Variants in GALNT13 observed in about 807,000 individuals in gnomAD.
The protein encoded by GALNT13 is polypeptide N-acetylgalactosaminyltransferase 13.
GALNT13 carries 28 observed loss-of-function variants against 64.2 expected under a neutral mutation model. The ratio of observed to expected loss-of-function variants is 0.44; its 90% CI spans 0.32 to 0.60. The LOEUF (loss-of-function observed/expected upper bound fraction) is 0.60, where lower values mean the gene tolerates loss of function less well. Among genes scored for constraint, GALNT13 ranks in the 20% least tolerant of loss-of-function variants. The probability of loss-of-function intolerance (pLI) is 0.05; values close to 1 mark genes in which losing one functional copy is unlikely to be tolerated. For synonymous variants in GALNT13, 214 were observed against 224.6 expected, an observed-to-expected ratio of 0.95 and a Z score of 0.42; for missense variants, 577 against 669.8, an observed-to-expected ratio of 0.86 and a Z score of 1.53.
At chr2:153,458,216 C>T in the GALNT13 span, among the ~76,000 whole-genome samples, 1 of 151,784 alleles carries the variant, frequency 6.6e-6, no homozygotes, top group African/African-American at 2.4e-5. Flanking sequence ...ACTCTCAAAT[C>T]CTTGCTTTAA....
At chr2:153,077,654 G>A in the GALNT13 span, among the ~76,000 whole-genome samples, 2 of 151,886 alleles carry the variant, frequency 1.3e-5, no homozygotes, top group Non-Finnish European at 2.9e-5. Context: ...AATGACCCAA[G>A]TTAAGTTTTG....
At chr2:153,700,088 A>C in the GALNT13 span, among the ~76,000 whole-genome samples, 1 of 152,192 alleles carries the variant, frequency 6.6e-6, no homozygotes, top group African/African-American at 2.4e-5. Flanking sequence ...CAACGCAAAA[A>C]TCCTCAATAA....
chr2:153,922,714 A>C (rs1689841661), intron 2 of GALNT13, among the ~76,000 whole-genome samples: 1 of 152,024 alleles, frequency 6.6e-6, no homozygotes. Flanking sequence ...TCGCACAGCT[A>C]ACTTCTGGTG....
At chr2:154,013,806 C>T (rs1398590970) in intron 3 of GALNT13, among the ~76,000 whole-genome samples, 1 of 152,104 alleles carries the variant, frequency 6.6e-6, no homozygotes, top group Non-Finnish European at 1.5e-5. Context: ...AGAGGGTTGG[C>T]GAGGTCGGTC....
chr2:153,537,408 T>C, the GALNT13 span, among the ~76,000 whole-genome samples: 2 of 152,154 alleles, frequency 1.3e-5, no homozygotes, highest in South Asian at 4.1e-4. Context: ...GGCTCCAAGA[T>C]GTTTATAAGT....
At chr2:153,800,423 A>G in the GALNT13 span, among the ~76,000 whole-genome samples, 1 of 152,096 alleles carries the variant, frequency 6.6e-6, no homozygotes, top group Non-Finnish European at 1.5e-5. Flanking sequence ...TGAAGCTTGG[A>G]GTGGCTGTGA....
chr2:153,858,584 T>TA, the GALNT13 span, among the ~76,000 whole-genome samples: 1 of 152,158 alleles, frequency 6.6e-6, no homozygotes, highest in East Asian at 1.9e-4. Context: ...TTATATAACT[T>TA]TTATTTCAGT....
the GALNT13 span, among the ~76,000 whole-genome samples, chr2:153,454,378 G>A: frequency 1.3e-5 from 2 of 152,058 alleles, no homozygotes; most frequent in South Asian, 2.1e-4. Flanking sequence ...CTCTGAGACC[G>A]TCCATTTTCA....
At chr2:154,420,542 C>A (rs920067199) in intron 11 of GALNT13, among the ~76,000 whole-genome samples, 3 of 152,060 alleles carry the variant, frequency 2.0e-5, no homozygotes, top group Admixed American at 1.3e-4. Context: ...GTTCAAGTAA[C>A]CTTCCGGCCA....
the GALNT13 span, among the ~76,000 whole-genome samples, chr2:153,225,973 G>T: frequency 6.7e-6 from 1 of 149,934 alleles, no homozygotes; most frequent in Non-Finnish European, 1.5e-5. Context: ...TCACTCTGTT[G>T]CCCCAGCTAG....
intron 9 of GALNT13, among the ~76,000 whole-genome samples, chr2:154,359,093 A>T (rs1183643500): frequency 6.6e-6 from 1 of 152,040 alleles, no homozygotes; most frequent in Non-Finnish European, 1.5e-5. Context: ...ACTACAAGGT[A>T]TTTCATTTAC....
chr2:153,421,220 A>C, the GALNT13 span: 1 of 183,912 alleles, frequency 5.4e-6, no homozygotes. Flanking sequence ...AGGATGCAGG[A>C]AGAGGGTACC....
chr2:153,854,026 C>T, the GALNT13 span, among the ~76,000 whole-genome samples: 1 of 151,422 alleles, frequency 6.6e-6, no homozygotes. Context: ...AGTTATATAC[C>T]TTAAATCTGT....
the GALNT13 span, among the ~76,000 whole-genome samples, chr2:153,544,845 T>G: frequency 4.6e-5 from 7 of 152,212 alleles, no homozygotes; most frequent in Non-Finnish European, 7.3e-5. Flanking sequence ...AATGGAATCT[T>G]AAGTTAACAA....
intron 9 of GALNT13, among the ~76,000 whole-genome samples, chr2:154,365,888 A>G (rs1424968215): frequency 6.6e-6 from 1 of 152,180 alleles, no homozygotes; most frequent in Admixed American, 6.5e-5. Context: ...ATTTTCCTCC[A>G]CAGAAACCTG....
chr2:153,597,033 A>C, the GALNT13 span, among the ~76,000 whole-genome samples: 5 of 152,240 alleles, frequency 3.3e-5, no homozygotes, highest in East Asian at 9.7e-4. Flanking sequence ...CACAGGACAA[A>C]AATCTAAATT....
the GALNT13 span, among the ~76,000 whole-genome samples, chr2:153,255,940 G>A: frequency 6.6e-6 from 1 of 152,074 alleles, no homozygotes; most frequent in African/African-American, 2.4e-5. Flanking sequence ...TGACAATTAT[G>A]TGTCTTGGAG....
At chr2:154,335,309 A>T (rs1695378787) in intron 9 of GALNT13, among the ~76,000 whole-genome samples, 1 of 152,044 alleles carries the variant, frequency 6.6e-6, no homozygotes, top group South Asian at 2.1e-4. Context: ...TTTATTGACA[A>T]ATGAGCAGAA....
intron 4 of GALNT13, among the ~76,000 whole-genome samples, chr2:154,236,941 C>T (rs1028634167): frequency 6.6e-6 from 1 of 151,912 alleles, no homozygotes; most frequent in African/African-American, 2.4e-5. Context: ...AAGATTAAGG[C>T]ACATTTTAAT....
Sources: allele counts gnomAD v4.1 joint callset (sites outside exome capture counted in the v4.1 genomes callset), GRCh38; gene constraint gnomAD v4.1.1; transcripts MANE v1.5; gene names NCBI Gene and HGNC (gene_info 2026-07-23, HGNC 2026-07-21).